The following SEPSECS variants were observed in gnomAD, a reference collection of about 807,000 sequenced individuals.
SEPSECS encodes the protein O-phosphoseryl-tRNA(Sec) selenium transferase.
Under a neutral mutation model 52.1 loss-of-function variants are expected in SEPSECS, and 42 were observed. That is an observed-to-expected ratio of 0.81 (90% CI 0.63 to 1.04). SEPSECS has a LOEUF of 1.04. Among genes scored for constraint, SEPSECS ranks in the 50% least tolerant of loss-of-function variants. The probability of loss-of-function intolerance (pLI) is 0.00; values close to 1 mark genes in which losing one functional copy is unlikely to be tolerated. For synonymous variants in SEPSECS, 216 were observed against 211.4 expected (o/e 1.02, Z -0.19); for missense variants, 590 against 610.6 (o/e 0.97, Z 0.36).
intron 8 of SEPSECS, among the ~76,000 whole-genome samples, chr4:25,142,531 T>C (rs1299484206): frequency 6.6e-6 from 1 of 152,228 alleles, no homozygotes; most frequent in Non-Finnish European, 1.5e-5. Context: ...TATATATCTA[T>C]ATGCCTGACA....
intron 8 of SEPSECS, among the ~76,000 whole-genome samples, chr4:25,138,229 T>C (rs944619412): frequency 1.3e-5 from 2 of 152,324 alleles, no homozygotes; most frequent in Non-Finnish European, 2.9e-5. Context: ...ATAATATTTT[T>C]TTAGTCTTAA....
intron 6 of SEPSECS, among the ~76,000 whole-genome samples, chr4:25,149,082 G>A (rs956270741): frequency 6.0e-5 from 9 of 151,108 alleles, no homozygotes; most frequent in African/African-American, 4.9e-5. Flanking sequence ...TTTTTTTGGC[G>A]GAGTCTCGCT....
intron 8 of SEPSECS, among the ~76,000 whole-genome samples, chr4:25,144,322 C>CA (rs1711819513): frequency 8.2e-6 from 1 of 121,290 alleles, no homozygotes; most frequent in Non-Finnish European, 1.8e-5. Flanking sequence ...CCCAAGACTC[C>CA]GCTCAAAAAA....
In SEPSECS at chr4:25,160,253, T is replaced by C. The variant is rs748528138; in HGVS notation, c.114+3A>G. 2.8e-5 allele frequency: 43 copies of C among 1,553,634 alleles called. No individual in the cohort carries two copies. Among genetic ancestry groups the C allele is most frequent in the Admixed American group, 1.5e-4 (8 of 51,906 alleles). On this transcript the variant is annotated splice_donor_region_variant and intron_variant, in intron 1 of 10. Coordinates refer to ENST00000382103, the MANE Select transcript of SEPSECS (RefSeq NM_016955.4). Reference sequence around the variant, plus strand: ...GCTGGGGAGGGGACCGACAGCTCGGTACCTTCTCCAGAAGCAGCCGTATGA... The same window carrying C: ...GCTGGGGAGGGGACCGACAGCTCGGCACCTTCTCCAGAAGCAGCCGTATGA...
At chr4:25,150,138 AAAT>A in intron 6 of SEPSECS, among the ~76,000 whole-genome samples, 1 of 152,338 alleles carries the variant, frequency 6.6e-6, no homozygotes, top group Admixed American at 6.5e-5. Context: ...AGTATACTAA[AAAT>A]AATATAAAAG....
chr4:25,154,868 C>T, intron 5 of SEPSECS, 130 bp downstream of exon 5: 1 of 974,434 alleles, frequency 1.0e-6, no homozygotes, highest in Non-Finnish European at 1.6e-6. Context: ...TCCACAAGGT[C>T]AATCTATTCT....
At position 25,124,115 on chromosome 4, in the gene SEPSECS, C is replaced by T; in HGVS notation, c.1322G>A (p.Gly441Glu). 6.2e-7 allele frequency: 1 copy of T among 1,613,760 alleles called. No individual in the cohort carries two copies. ...CAGGTCCACATCCTGCATCTTCATTCCGATGGCTGATGCAGCATTGAGGTA... is the reference window on the plus strand; with the variant it reads ...CAGGTCCACATCCTGCATCTTCATTTCGATGGCTGATGCAGCATTGAGGTA... ...CAYLNAASAIGMKMQDVDLFI... is the reference protein window; with the variant it reads ...CAYLNAASAIEMKMQDVDLFI... The change falls in exon 11 of 11, where the codon GGA becomes GAA. Residue 441 changes from glycine (G) to glutamate (E), a missense_variant. Transcript: ENST00000382103.
intron 8 of SEPSECS, among the ~76,000 whole-genome samples, chr4:25,137,049 T>C (rs1728867723): frequency 6.6e-6 from 1 of 152,118 alleles, no homozygotes; most frequent in Non-Finnish European, 1.5e-5. Context: ...CCTTACACCT[T>C]AGACAAAAAT....
At chr4:25,144,640 G>C in intron 8 of SEPSECS, 134 bp downstream of exon 8, 1 of 685,358 alleles carries the variant, frequency 1.5e-6, no homozygotes, top group Non-Finnish European at 2.6e-6. Flanking sequence ...GGTGGTTCCA[G>C]ATCTGAATAA....
At chr4:25,128,139 G>A (rs1474195182) in intron 8 of SEPSECS, among the ~76,000 whole-genome samples, 2 of 152,098 alleles carry the variant, frequency 1.3e-5, no homozygotes, top group African/African-American at 2.4e-5. Context: ...GCCACAATCT[G>A]AAATTATCTC....
chr4:25,128,174 C>T (rs904273122), intron 8 of SEPSECS, among the ~76,000 whole-genome samples: 2 of 152,212 alleles, frequency 1.3e-5, no homozygotes, highest in African/African-American at 4.8e-5. Context: ...ATGAATATTG[C>T]CTATTACTAC....
chr4:25,160,189 G>C (rs1712980809), intron 1 of SEPSECS, 67 bp downstream of exon 1: 1 of 1,542,932 alleles, frequency 6.5e-7, no homozygotes, highest in East Asian at 2.5e-5. Context: ...CAGCACCAGC[G>C]GGGACGCCCG....
At position 25,122,620 on chromosome 4, in the gene SEPSECS, A is replaced by G. The variant is rs950640823; in HGVS notation, c.*1311T>C. ...CTCCCAAAATTATTTGTCTGTAAAC[A>G]TTTTCTCCCCATGAGCATCTTTTAG... On this transcript the variant is annotated 3_prime_UTR_variant, in exon 11 of 11. Transcript: ENST00000382103. 51 of 152,124 alleles carry G rather than the reference A, an allele frequency of 3.4e-4. No individual in the cohort carries two copies. The allele number at this position is 152,124 out of a possible 1,614,324, so 9.4% of individuals were successfully genotyped here. A position where few individuals can be genotyped will look rare whatever the true frequency, so the allele number is the denominator to read the frequency against.
chr4:25,142,902 G>A (rs1202328322), intron 8 of SEPSECS, among the ~76,000 whole-genome samples: 3 of 152,174 alleles, frequency 2.0e-5, no homozygotes, highest in Admixed American at 6.5e-5. Flanking sequence ...AAAGTGGCCT[G>A]AGATATCAAT....
In SEPSECS at chr4:25,160,294, GGCGGGC is replaced by G. The variant is rs1560339444; in HGVS notation, c.70_75del (p.Ala24_Arg25del). The G allele has an allele frequency of 6.4e-7, 1 of 1,552,158 alleles. No individual in the cohort carries two copies. Among genetic ancestry groups the G allele is most frequent in the Non-Finnish European group, 8.7e-7 (1 of 1,147,510 alleles). ...AGCCGTATGAGGTGCTCATGCGAGC[GGCGGGC>G]CTCACAGCCCTGCCGCACGTAAGCC... On this transcript the variant is annotated inframe_deletion, in exon 1 of 11. Transcript: ENST00000382103.
At position 25,159,124 on chromosome 4, in the gene SEPSECS, A is replaced by AAACTT; in HGVS notation, c.115-18_115-17insAAGTT. On this transcript the variant is annotated splice_polypyrimidine_tract_variant and intron_variant, in intron 1 of 10. Transcript: ENST00000382103. ...ACACTTGCCCTTAAAAAAAAAAAAA[A>AAACTT]ACTTATGATTATATTTAATAAAACT... 1 of 1,547,780 alleles carries AAACTT rather than the reference A, an allele frequency of 6.5e-7. No individual in the cohort carries two copies. The highest frequency in any genetic ancestry group is 8.7e-7 in the Non-Finnish European group (1 of 1,147,598).
intron 3 of SEPSECS, 142 bp downstream of exon 3, chr4:25,156,707 CAAAAAAA>C (rs34542574): frequency 3.4e-3 from 785 of 229,162 alleles, no homozygotes; most frequent in African/African-American, 0.018. Context: ...GACTCCGTCT[CAAAAAAA>C]AAAAAAAAAA....
chr4:25,159,330 C>A lies in SEPSECS; in HGVS notation c.115-223G>T, dbSNP rs1470264925. Among the ~76,000 whole-genome samples, 4 of 152,246 alleles carry A rather than the reference C, an allele frequency of 2.6e-5. No homozygotes were observed. The South Asian group carries it at 8.3e-4, about 32-fold the overall frequency. On this transcript the variant is annotated intron_variant, in intron 1 of 10. Coordinates refer to ENST00000382103, the MANE Select transcript of SEPSECS (RefSeq NM_016955.4). ...TTCGAGAAGTGATGATAAATGCATACAATGAGGTTTACTGAGATATTTAAA... is the reference window on the plus strand; with the variant it reads ...TTCGAGAAGTGATGATAAATGCATAAAATGAGGTTTACTGAGATATTTAAA...
chr4:25,126,661 AAC>A (rs1728385414), intron 9 of SEPSECS, among the ~76,000 whole-genome samples: 1 of 152,224 alleles, frequency 6.6e-6, no homozygotes, highest in Non-Finnish European at 1.5e-5. Context: ...ACATGATAAA[AAC>A]ACAGTCCTTA....
Sources: allele counts gnomAD v4.1 joint callset (sites outside exome capture counted in the v4.1 genomes callset), GRCh38; gene constraint gnomAD v4.1.1; transcripts MANE v1.5; gene names NCBI Gene and HGNC (gene_info 2026-07-23, HGNC 2026-07-21).